Variants in DGKA observed in about 807,000 individuals in gnomAD.
The protein encoded by DGKA is diacylglycerol kinase alpha, also known as 80 kDa diacylglycerol kinase.
Under a neutral mutation model 105.0 loss-of-function variants are expected in DGKA, and 35 were observed. The ratio of observed to expected loss-of-function variants is 0.33; its 90% CI spans 0.25 to 0.44. The LOEUF is 0.44. DGKA is among the 20% of genes least tolerant of loss of function. DGKA has a pLI of 1.00. For missense variants in DGKA, 665 were observed against 915.0 expected, an observed-to-expected ratio of 0.73 and a Z score of 3.53; for synonymous variants, 296 against 332.0, an observed-to-expected ratio of 0.89 and a Z score of 1.18.
In DGKA at chr12:55,938,004, T is replaced by C. The variant is rs1268409521; in HGVS notation, c.301T>C (p.Cys101Arg). 6.2e-7 allele frequency: 1 copy of C among 1,614,206 alleles called. No individual in the cohort carries two copies. Among genetic ancestry groups the C allele is most frequent in the Admixed American group, 1.7e-5 (1 of 60,028 alleles). Residue 101 changes from cysteine (C) to arginine (R), a missense_variant, in exon 5 of 24, where the codon TGC becomes CGC. By Grantham distance (180) the Cys-to-Arg change is radical (BLOSUM62 -3). Around this residue, in one of 3 missense-constraint regions of DGKA, gnomAD observed 504 missense variants for 681.2 expected, o/e 0.74. Transcript: ENST00000331886. ...TGTGGTGTGTCTCAATGATGTTTCC[T>C]GCTACTTTTCCCTTCTGGAGGGTGG... ...KDVVCLNDVSCYFSLLEGGRP... is the reference protein window; with the variant it reads ...KDVVCLNDVSRYFSLLEGGRP...
intron 17 of DGKA, among the ~76,000 whole-genome samples, chr12:55,945,653 T>C (rs1483484467): frequency 6.6e-6 from 1 of 152,158 alleles, no homozygotes; most frequent in Non-Finnish European, 1.5e-5. Context: ...AGTGGTCTTA[T>C]CACTCCAACC....
chr12:55,929,197 T>C (rs941312406), upstream of DGKA: 7 of 152,230 alleles, frequency 4.6e-5, no homozygotes, highest in African/African-American at 1.7e-4. Flanking sequence ...ATTGCAAGTG[T>C]TGTGACACTG....
At position 55,940,826 on chromosome 12, in the gene DGKA, A is replaced by G; in HGVS notation, c.1018-71A>G. 1 of 1,599,092 alleles carries G rather than the reference A, an allele frequency of 6.3e-7. No homozygotes were observed. The highest frequency in any genetic ancestry group is 8.6e-7 in the Non-Finnish European group (1 of 1,166,996). On this transcript the variant is annotated intron_variant, in intron 12 of 23. Transcript: ENST00000331886. The surrounding 1 kb of genome is among the most constrained non-coding windows in gnomAD (Gnocchi z 4.3). Reference sequence around the variant, plus strand: ...AGAGAGCTCATACTTTTAGGATTCAAGTCAGACCCCTCTATTTAGGGATTC... The same window carrying G: ...AGAGAGCTCATACTTTTAGGATTCAGGTCAGACCCCTCTATTTAGGGATTC...
chr12:55,949,943 C>T (rs1411978739), intron 17 of DGKA, among the ~76,000 whole-genome samples: 2 of 151,964 alleles, frequency 1.3e-5, no homozygotes, highest in Admixed American at 1.3e-4. Context: ...TCAGGGTAGC[C>T]TGGACTACAG....
intron 13 of DGKA, 23 bp downstream of exon 13, chr12:55,941,003 CTT>C: frequency 6.2e-7 from 1 of 1,609,406 alleles, no homozygotes; most frequent in Non-Finnish European, 8.5e-7. Flanking sequence ...GAGTCTTGGG[CTT>C]CATGATGGGG....
Position 55,953,072 on chromosome 12 carries a change from C to T in DGKA, c.1975C>T (p.Leu659=), listed in dbSNP as rs1405410213. 2.5e-6 allele frequency: 4 copies of T among 1,614,006 alleles called. No homozygotes were observed. Among genetic ancestry groups the T allele is most frequent in the Non-Finnish European group, 2.5e-6 (3 of 1,180,038 alleles). Residue 659 remains leucine (L), a synonymous_variant, in exon 22 of 24, where the codon CTG becomes TTG. Coordinates refer to ENST00000331886, the MANE Select transcript of DGKA (RefSeq NM_001345.5). ...TGACAAGAGACTGGAAGTGGTTGGGCTGGAGGGTGCAATTGAGATGGGCCA... is the reference window on the plus strand; with the variant it reads ...TGACAAGAGACTGGAAGTGGTTGGGTTGGAGGGTGCAATTGAGATGGGCCA... The part of the protein sequence containing the change: ...LSDKRLEVVG[L]EGAIEMGQIY...
At position 55,940,316 on chromosome 12, in the gene DGKA, C is replaced by A; in HGVS notation, c.801C>A (p.Val267=). Residue 267 remains valine, a splice_region_variant and synonymous_variant, in exon 11 of 24, where the codon GTC becomes GTA. Transcript: ENST00000331886. The surrounding 1 kb of genome is among the most constrained non-coding windows in gnomAD (Gnocchi z 4.3). ...AAGGAACTGCCTTTCTCCCCAAGGT[C>A]CAATCACATGTGTGGGTGCGAGGAG... ...TYAKSRKDIG[V]QSHVWVRGGC... The A allele has an allele frequency of 1.2e-6, 2 of 1,614,268 alleles. No individual in the cohort carries two copies. The highest frequency in any genetic ancestry group is 1.7e-6 in the Non-Finnish European group (2 of 1,180,048).
At chr12:55,948,043 G>T (rs1012680666) in intron 17 of DGKA, among the ~76,000 whole-genome samples, 1 of 151,928 alleles carries the variant, frequency 6.6e-6, no homozygotes. Context: ...CTCCCACCTC[G>T]GCCTCCCAAA....
intron 17 of DGKA, among the ~76,000 whole-genome samples, chr12:55,947,131 A>C (rs1333619834): frequency 6.6e-6 from 1 of 151,754 alleles, no homozygotes; most frequent in African/African-American, 2.4e-5. Context: ...AATTACAGGC[A>C]TGTGCCACCA....
rs1265899735 is a variant in DGKA at position 55,939,167 on chromosome 12, CT to C, written c.475-16del. 3 of 1,612,908 alleles carry C rather than the reference CT, an allele frequency of 1.9e-6. No homozygotes were observed. Among genetic ancestry groups the C allele is most frequent in the Non-Finnish European group, 2.5e-6 (3 of 1,179,412 alleles). On this transcript the variant is annotated intron_variant, in intron 7 of 23. Transcript: ENST00000331886. Reference sequence around the variant, plus strand: ...GAAGACCCACTCATACTGAAAGTCCCTTTCCACTCTGTGCTCAGATTCTTCA... The same window carrying C: ...GAAGACCCACTCATACTGAAAGTCCCTTCCACTCTGTGCTCAGATTCTTCA...
At position 55,940,698 on chromosome 12, in the gene DGKA, A is replaced by T. The variant is rs780723261; in HGVS notation, c.993A>T (p.Pro331=). ...CGLLRDHILP[P]SSIYPSVLAS... ...TGCTCCGGGATCACATCCTGCCTCC[A>T]TCTTCCATCTATCCCAGTGTCCTGG... Residue 331 remains proline (P), a synonymous_variant, in exon 12 of 24, where the codon CCA becomes CCT. Coordinates refer to ENST00000331886, the MANE Select transcript of DGKA (RefSeq NM_001345.5). The surrounding 1 kb of genome is among the most constrained non-coding windows in gnomAD (Gnocchi z 4.3). 8 of 1,608,762 alleles carry T rather than the reference A, an allele frequency of 5.0e-6. No individual in the cohort carries two copies. The highest frequency in any genetic ancestry group is 4.2e-6 in the Non-Finnish European group (5 of 1,178,608).
At chr12:55,946,399 C>T (rs958763965) in intron 17 of DGKA, among the ~76,000 whole-genome samples, 1 of 152,134 alleles carries the variant, frequency 6.6e-6, no homozygotes, top group Admixed American at 6.6e-5. Context: ...CTCCATCGCA[C>T]AGGCTGGAGT....
chr12:55,933,819 A>G (rs1165888714), intron 1 of DGKA, among the ~76,000 whole-genome samples: 1 of 152,242 alleles, frequency 6.6e-6, no homozygotes, highest in Non-Finnish European at 1.5e-5. Flanking sequence ...GTTCAAAGAC[A>G]TCATTTTTCC....
intron 17 of DGKA, among the ~76,000 whole-genome samples, chr12:55,944,787 CATTT>C (rs1234837632): frequency 1.3e-5 from 2 of 151,996 alleles, no homozygotes; most frequent in African/African-American, 4.8e-5. Context: ...TTCATTTATT[CATTT>C]ATTTATTTTT....
At chr12:55,930,270 A>G (rs1883336911), upstream of DGKA, among the ~76,000 whole-genome samples, 1 of 151,952 alleles carries the variant, frequency 6.6e-6, no homozygotes, top group African/African-American at 2.4e-5. Flanking sequence ...TACTATGACT[A>G]AGGAGGTCAT....
chr12:55,946,905 T>C lies in DGKA; in HGVS notation c.1426+4642T>C, dbSNP rs1887123063. Among the ~76,000 whole-genome samples the C allele has an allele frequency of 3.9e-5, 6 of 152,092 alleles. 2 individuals carry two copies. The highest frequency in any genetic ancestry group is 3.9e-4 in the Admixed American group (6 of 15,278). On this transcript the variant is annotated intron_variant, in intron 17 of 23. Coordinates refer to ENST00000331886, the MANE Select transcript of DGKA (RefSeq NM_001345.5). Reference sequence around the variant, plus strand: ...AGGGTGGGATGGGCAAAAGGTAAATTACAGTGGATTGAACCCTCAGTGGAG... The same window carrying C: ...AGGGTGGGATGGGCAAAAGGTAAATCACAGTGGATTGAACCCTCAGTGGAG...
At position 55,952,149 on chromosome 12, in the gene DGKA, G is replaced by C; in HGVS notation, c.1652+50G>C. 6.2e-7 allele frequency: 1 copy of C among 1,611,314 alleles called. No homozygotes were observed. The highest frequency in any genetic ancestry group is 8.5e-7 in the Non-Finnish European group (1 of 1,177,680). ...GGGCATACACAGTGTCAGGAGCCAG[G>C]TTTTGACCAAGTTTGACTCAGATTG... On this transcript the variant is annotated intron_variant, in intron 19 of 23. Coordinates refer to ENST00000331886, the MANE Select transcript of DGKA (RefSeq NM_001345.5). The surrounding 1 kb of genome is among the most constrained non-coding windows in gnomAD (Gnocchi z 5.1).
intron 17 of DGKA, among the ~76,000 whole-genome samples, chr12:55,944,314 C>T (rs1886585243): frequency 6.6e-6 from 1 of 151,902 alleles, no homozygotes; most frequent in Non-Finnish European, 1.5e-5. Flanking sequence ...AATAAATAAA[C>T]ACACAAATAA....
chr12:55,942,379 A>G, intron 17 of DGKA, 116 bp downstream of exon 17: 1 of 960,250 alleles, frequency 1.0e-6, no homozygotes, highest in Non-Finnish European at 1.6e-6. Flanking sequence ...GAAGAGGGGC[A>G]CAGACAGGTG....
Sources: gnomAD v4.1 joint callset for allele counts (sites outside exome capture counted in the v4.1 genomes callset) on GRCh38, gnomAD v4.1.1 for gene constraint, gnomAD v4.1.1 regional missense constraint, Gnocchi (gnomAD v3.1) non-coding constraint, MANE v1.5 for transcripts, NCBI Gene and HGNC (gene_info 2026-07-23, HGNC 2026-07-21) for gene names.